SYT7: variants seen among roughly 807,000 people sequenced by gnomAD.
SYT7 encodes synaptotagmin 7, also known as synaptotagmin-7.
In SYT7, 29 loss-of-function variants were observed where a neutral mutation model predicts 75.1. The ratio of observed to expected loss-of-function variants is 0.39; its 90% confidence interval spans 0.29 to 0.53. SYT7 has a LOEUF of 0.53. Ranked by LOEUF, SYT7 falls within the 20% of genes least tolerant of loss-of-function variation. The probability of loss-of-function intolerance (pLI) is 0.77; values close to 1 mark genes in which losing one functional copy is unlikely to be tolerated. For synonymous variants in SYT7, 376 were observed against 401.7 expected (o/e 0.94, Z 0.76); for missense variants, 693 against 953.2 (o/e 0.73, Z 3.59).
intron 6 of SYT7, chr11:61,540,720 C>A (rs2063015817): frequency 5.1e-6 from 5 of 985,498 alleles, no homozygotes; most frequent in Non-Finnish European, 6.0e-6. Context: ...AGTAGGGTGA[C>A]AGCTGTGATA....
At chr11:61,562,696 C>A (rs1185091766) in intron 1 of SYT7, among the ~76,000 whole-genome samples, 2 of 152,252 alleles carry the variant, frequency 1.3e-5, no homozygotes, top group African/African-American at 4.8e-5. Context: ...TTGACCAAAG[C>A]AAGCATCAGT....
intron 7 of SYT7, among the ~76,000 whole-genome samples, chr11:61,537,940 G>A (rs1248035308): frequency 1.3e-5 from 2 of 152,226 alleles, no homozygotes; most frequent in African/African-American, 4.8e-5. Flanking sequence ...TCCCAGGATG[G>A]CCGCAAGTGG....
At chr11:61,574,816 C>A (rs1251853615) in intron 1 of SYT7, among the ~76,000 whole-genome samples, 2 of 152,118 alleles carry the variant, frequency 1.3e-5, no homozygotes, top group African/African-American at 4.8e-5. Flanking sequence ...GCTGACACCA[C>A]CCCATGGTAA....
At chr11:61,550,865 G>A (rs771650555) in intron 3 of SYT7, among the ~76,000 whole-genome samples, 23 of 152,302 alleles carry the variant, frequency 1.5e-4, no homozygotes, top group South Asian at 4.1e-4. Context: ...TGGGGTTGAC[G>A]GGGAGGGAGG....
intron 2 of SYT7, among the ~76,000 whole-genome samples, chr11:61,552,806 C>A (rs374257266): frequency 7.9e-5 from 12 of 152,362 alleles, no homozygotes; most frequent in African/African-American, 2.9e-4. Context: ...AGTGTCTTCC[C>A]TTCTCTGGCC....
chr11:61,536,032 T>C (rs2062860475), intron 7 of SYT7, among the ~76,000 whole-genome samples: 1 of 152,052 alleles, frequency 6.6e-6, no homozygotes. Flanking sequence ...GGGGAGAGTC[T>C]GCTGGGAAGG....
Position 61,547,229 on chromosome 11 carries a change from TA to T in SYT7, c.294del (p.Phe98LeufsTer3). ...QKWSSYPPKE[F>X]ILNISPYAPY... is the part of the protein sequence containing the mutation. ...GGGGCGTAGGGTGAAATGTTTAGAATAAACTCCTTGGGAGGGTAGGAGCTCC... is the reference window on the plus strand; with the variant it reads ...GGGGCGTAGGGTGAAATGTTTAGAATAACTCCTTGGGAGGGTAGGAGCTCC... On this transcript the variant is annotated frameshift_variant, in exon 4 of 13. Transcript: ENST00000539008. LOFTEE classifies it high-confidence loss of function. 1 of 1,535,810 alleles carries T rather than the reference TA, an allele frequency of 6.5e-7. No individual in the cohort carries two copies. The highest frequency in any genetic ancestry group is 8.7e-7 in the Non-Finnish European group (1 of 1,146,688).
rs1328914415 is a variant in SYT7 at position 61,546,600 on chromosome 11, C to A, written c.348-345G>T. 7 of 479,918 alleles carry A rather than the reference C, an allele frequency of 1.5e-5. No homozygotes were observed. The highest frequency in any genetic ancestry group is 1.4e-4 in the African/African-American group (7 of 51,010). The allele number at this position is 479,918 out of a possible 1,614,324, so 29.7% of individuals were successfully genotyped here. ...AGGGGCGGCGGGGGTTGGGGGAGGG[C>A]AGCCACCTCCAACTCTATCCCACAG... On this transcript the variant is annotated intron_variant, in intron 4 of 12. Transcript: ENST00000539008. The surrounding 1 kb of genome is among the most constrained non-coding windows in gnomAD (Gnocchi z 7.6).
chr11:61,576,978 C>G lies in SYT7; in HGVS notation c.31+3812G>C, dbSNP rs1164312995. Reference sequence around the variant, plus strand: ...GCCTTCCAGCTGTCCCCTTACCTGTCACCTACTGGCCTGTACGTTCCCACC... The same window carrying G: ...GCCTTCCAGCTGTCCCCTTACCTGTGACCTACTGGCCTGTACGTTCCCACC... On this transcript the variant is annotated intron_variant, in intron 1 of 12. Coordinates refer to ENST00000539008, the MANE Select transcript of SYT7 (RefSeq NM_001365809.2). This position sits in a 1 kb window ranked among gnomAD's most constrained non-coding sequence, Gnocchi z 4.1. 3.9e-5 allele frequency among the ~76,000 whole-genome samples: 6 copies of G among 152,172 alleles called. No homozygotes were observed. Among genetic ancestry groups the G allele is most frequent in the Non-Finnish European group, 7.3e-5 (5 of 68,036 alleles).
chr11:61,517,715 G>A lies in SYT7; in HGVS notation c.*912C>T, dbSNP rs1000044125. 4 of 397,546 alleles carry A rather than the reference G, an allele frequency of 1.0e-5. No individual in the cohort carries two copies. Among genetic ancestry groups the A allele is most frequent in the Non-Finnish European group, 4.4e-6 (1 of 225,960 alleles). The allele number at this position is 397,546 out of a possible 1,614,324, so 24.6% of individuals were successfully genotyped here. Reference sequence around the variant, plus strand: ...TCGGGACCCCCTGAGAAGGAAGGGAGATGAGTCCTGGTGGAATGCTATGCA... The same window carrying A: ...TCGGGACCCCCTGAGAAGGAAGGGAAATGAGTCCTGGTGGAATGCTATGCA... On this transcript the variant is annotated 3_prime_UTR_variant, in exon 13 of 13. Coordinates refer to ENST00000539008, the MANE Select transcript of SYT7 (RefSeq NM_001365809.2).
intron 1 of SYT7, among the ~76,000 whole-genome samples, chr11:61,578,539 G>C (rs1339050460): frequency 6.6e-6 from 1 of 152,122 alleles, no homozygotes; most frequent in Non-Finnish European, 1.5e-5. Context: ...AAGGGGAGAT[G>C]GGGAGGCAGA....
chr11:61,538,399 G>GAGAGAGAGAGAGAGAC (rs1565180504), intron 6 of SYT7, 133 bp from the exon 7 acceptor site: 2 of 759,252 alleles, frequency 2.6e-6, no homozygotes, highest in African/African-American at 3.6e-5. Flanking sequence ...AAGAGAGAGA[G>GAGAGAGAGAGAGAGAC]AGAGACAGAG....
chr11:61,569,155 G>A lies in SYT7; in HGVS notation c.31+11635C>T, dbSNP rs193164355. Among the ~76,000 whole-genome samples, 45 of 152,248 alleles carry A rather than the reference G, an allele frequency of 3.0e-4. 1 individual carries two copies. The highest frequency in any genetic ancestry group is 2.2e-3 in the Admixed American group (34 of 15,296). On this transcript the variant is annotated intron_variant, in intron 1 of 12. Transcript: ENST00000539008. ...TGGCTCAGCTTTAACTTGGAGTCTCGGAGTCTCATTCTAAATGAATTTTTT... is the reference window on the plus strand; with the variant it reads ...TGGCTCAGCTTTAACTTGGAGTCTCAGAGTCTCATTCTAAATGAATTTTTT...
chr11:61,556,321 G>A (rs902672378), intron 1 of SYT7, 114 bp from the exon 2 acceptor site: 5 of 795,080 alleles, frequency 6.3e-6, no homozygotes, highest in Admixed American at 5.3e-5. Context: ...TTCACTGGGA[G>A]CTCTGAACCC....
Position 61,551,659 on chromosome 11 carries a change from C to T in SYT7, c.136-196G>A, listed in dbSNP as rs778540567. Among the ~76,000 whole-genome samples, 2 of 152,154 alleles carry T rather than the reference C, an allele frequency of 1.3e-5. No individual in the cohort carries two copies. The highest frequency in any genetic ancestry group is 2.4e-5 in the African/African-American group (1 of 41,442). On this transcript the variant is annotated intron_variant, in intron 2 of 12. Coordinates refer to ENST00000539008, the MANE Select transcript of SYT7 (RefSeq NM_001365809.2). This position sits in a 1 kb window ranked among gnomAD's most constrained non-coding sequence, Gnocchi z 5.3. ...TGCTCCCCGGTTGGCAGCTCCTGGG[C>T]CCCATCGGGCTCTAGGACCTGCCCC...
chr11:61,581,634 C>CT (rs2064277998), upstream of SYT7, among the ~76,000 whole-genome samples: 1 of 152,258 alleles, frequency 6.6e-6, no homozygotes, highest in South Asian at 2.1e-4. Context: ...CCAGTCCGGT[C>CT]TTTCTGCAAG....
chr11:61,566,328 G>C (rs1399390690), intron 1 of SYT7, among the ~76,000 whole-genome samples: 1 of 152,144 alleles, frequency 6.6e-6, no homozygotes, highest in Non-Finnish European at 1.5e-5. Flanking sequence ...ACAATTCCTG[G>C]CCTAGGGAGG....
intron 2 of SYT7, among the ~76,000 whole-genome samples, chr11:61,552,147 G>A (rs888947880): frequency 3.9e-5 from 6 of 152,128 alleles, no homozygotes; most frequent in South Asian, 2.1e-4. Context: ...GCAGGGCAGC[G>A]GGTGGGTACC....
chr11:61,534,341 T>C (rs1408275579), intron 7 of SYT7, among the ~76,000 whole-genome samples: 1 of 151,952 alleles, frequency 6.6e-6, no homozygotes, highest in Non-Finnish European at 1.5e-5. Context: ...AGGGGAGACA[T>C]CAGGATCCCA....
Sources: allele counts gnomAD v4.1 joint callset (sites outside exome capture counted in the v4.1 genomes callset), GRCh38; gene constraint gnomAD v4.1.1; non-coding constraint Gnocchi (gnomAD v3.1); transcripts MANE v1.5; gene names NCBI Gene and HGNC (gene_info 2026-07-23, HGNC 2026-07-21).